Variants in PPIL6 observed in about 807,000 individuals in gnomAD.
PPIL6 encodes the protein probable inactive peptidyl-prolyl cis-trans isomerase-like 6.
A neutral mutation model predicts 36.8 loss-of-function variants in PPIL6; 39 were observed. The ratio of observed to expected loss-of-function variants is 1.06; its 90% confidence interval spans 0.82 to 1.38. The LOEUF is 1.38. Among genes scored for constraint, PPIL6 ranks in the 40% most tolerant of loss-of-function variants. The pLI is 0.00. For missense variants in PPIL6, 368 were observed against 379.1 expected, an observed-to-expected ratio of 0.97 and a Z score of 0.24; for synonymous variants, 123 against 134.1, an observed-to-expected ratio of 0.92 and a Z score of 0.57.
intron 5 of PPIL6, among the ~76,000 whole-genome samples, chr6:109,423,640 A>G (rs1773665189): frequency 6.6e-6 from 1 of 152,016 alleles, no homozygotes; most frequent in Admixed American, 6.6e-5. Flanking sequence ...ATATATATAT[A>G]TCTTTTAGTC....
chr6:109,393,150 C>T (rs770048659), intron 7 of PPIL6, among the ~76,000 whole-genome samples: 2 of 152,062 alleles, frequency 1.3e-5, no homozygotes, highest in Admixed American at 1.3e-4. Context: ...GGCCTCCTGC[C>T]GCAGCTCTAA....
At position 109,390,944 on chromosome 6, in the gene PPIL6, TAAA is replaced by T. The variant is rs1168598935; in HGVS notation, c.*1879_*1881del. ...GAAGCCTGCCTCTTTAAGACTGATG[TAAA>T]TAGAGATTGTTCTTGGAAGACAAAC... On this transcript the variant is annotated 3_prime_UTR_variant, in exon 8 of 8. Coordinates refer to ENST00000521072, the MANE Select transcript of PPIL6 (RefSeq NM_173672.5). The T allele has an allele frequency of 6.6e-6, 1 of 152,188 alleles. No homozygotes were observed. 9.4% of individuals were successfully genotyped at this position (152,188 alleles called of 1,614,324 possible). A position where few individuals can be genotyped will look rare whatever the true frequency, so the allele number is the denominator to read the frequency against.
intron 6 of PPIL6, among the ~76,000 whole-genome samples, chr6:109,403,278 AT>A (rs199779580): frequency 9.9e-5 from 15 of 152,184 alleles, no homozygotes; most frequent in African/African-American, 2.6e-4. Context: ...GCTAGCTCTA[AT>A]TTTTTTTAAA....
chr6:109,436,240 C>T, intron 1 of PPIL6, 41 bp from the exon 2 acceptor site: 1 of 1,198,558 alleles, frequency 8.3e-7, no homozygotes, highest in Non-Finnish European at 1.2e-6. Context: ...AGTTAGTTCT[C>T]TTTTAAAGTC....
chr6:109,402,982 A>G (rs1772623516), intron 6 of PPIL6: 2 of 1,225,032 alleles, frequency 1.6e-6, no homozygotes, highest in Non-Finnish European at 2.3e-6. Flanking sequence ...TTTACGTGTT[A>G]TTTTGTTCTG....
chr6:109,422,278 A>G (rs9386805), intron 5 of PPIL6, among the ~76,000 whole-genome samples: 5,100 of 152,236 alleles, frequency 0.034, 173 homozygotes, highest in East Asian at 0.17. Context: ...AGTGAGAGCC[A>G]TGATTGTGCC....
Position 109,427,075 on chromosome 6 carries a change from A to G in PPIL6, c.483+19T>C, listed in dbSNP as rs765845917. 1.2e-6 allele frequency: 2 copies of G among 1,602,416 alleles called. No individual in the cohort carries two copies. The highest frequency in any genetic ancestry group is 1.7e-5 in the Admixed American group (1 of 59,820). On this transcript the variant is annotated intron_variant, in intron 4 of 7. Coordinates refer to ENST00000521072, the MANE Select transcript of PPIL6 (RefSeq NM_173672.5). ...ATAGATCCTACCCCCACAAACTTAC[A>G]TATAAAAAAAAGTATCACCTCAAAA...
At chr6:109,405,921 T>G (rs532618098) in intron 6 of PPIL6, among the ~76,000 whole-genome samples, 34 of 152,246 alleles carry the variant, frequency 2.2e-4, no homozygotes, top group African/African-American at 7.5e-4. Context: ...TATTGCTGGG[T>G]TTTTTGGGCT....
chr6:109,407,125 C>T (rs1772827995), intron 6 of PPIL6, among the ~76,000 whole-genome samples: 1 of 152,184 alleles, frequency 6.6e-6, no homozygotes, highest in Non-Finnish European at 1.5e-5. Context: ...TCTAGGACTA[C>T]ACATTGCTAC....
intron 3 of PPIL6, among the ~76,000 whole-genome samples, chr6:109,429,768 A>G (rs575603822): frequency 9.2e-5 from 14 of 152,338 alleles, no homozygotes; most frequent in Non-Finnish European, 1.9e-4. Context: ...TCCTGCTGCC[A>G]GGCCTCATTG....
intron 7 of PPIL6, among the ~76,000 whole-genome samples, chr6:109,399,018 C>G (rs1192239960): frequency 3.3e-5 from 5 of 152,082 alleles, no homozygotes; most frequent in Non-Finnish European, 7.4e-5. Flanking sequence ...TCATGGCTCC[C>G]AGGCTCAAGC....
At chr6:109,440,156 G>A (rs1227460698) in intron 1 of PPIL6, 6 of 473,414 alleles carry the variant, frequency 1.3e-5, no homozygotes, top group Non-Finnish European at 2.4e-5. Flanking sequence ...GCGGGTGTGT[G>A]TGTGTGTGTC....
At chr6:109,405,476 G>T (rs867125175) in intron 6 of PPIL6, among the ~76,000 whole-genome samples, 2 of 152,060 alleles carry the variant, frequency 1.3e-5, no homozygotes, top group Non-Finnish European at 2.9e-5. Context: ...ATTTCTCCCA[G>T]TCTGGAGTCT....
chr6:109,407,599 A>T (rs1355109886), intron 6 of PPIL6, among the ~76,000 whole-genome samples: 1 of 152,136 alleles, frequency 6.6e-6, no homozygotes. Context: ...CCACATTGAG[A>T]ATCCTGATTC....
At chr6:109,399,433 T>C (rs1772436747) in intron 7 of PPIL6, among the ~76,000 whole-genome samples, 1 of 150,554 alleles carries the variant, frequency 6.6e-6, no homozygotes, top group South Asian at 2.1e-4. Flanking sequence ...TGAGACAGAG[T>C]CTTGCTGTGT....
At chr6:109,417,374 C>T (rs550484154) in intron 6 of PPIL6, among the ~76,000 whole-genome samples, 1 of 120,578 alleles carries the variant, frequency 8.3e-6, no homozygotes, top group East Asian at 2.4e-4. Flanking sequence ...ACAGTGAGAC[C>T]CTGTCTCTAT....
intron 6 of PPIL6, chr6:109,402,932 A>T: frequency 1.3e-6 from 1 of 742,380 alleles, no homozygotes; most frequent in Non-Finnish European, 2.1e-6. Flanking sequence ...ATTAACTCTA[A>T]CTAGCTTTGC....
intron 6 of PPIL6, among the ~76,000 whole-genome samples, chr6:109,403,525 T>C (rs1166754340): frequency 2.6e-5 from 4 of 152,280 alleles, no homozygotes; most frequent in African/African-American, 9.6e-5. Flanking sequence ...AGGCCACTGG[T>C]CAGTAAATAG....
chr6:109,421,047 C>T (rs1467007715), intron 5 of PPIL6, among the ~76,000 whole-genome samples: 1 of 152,184 alleles, frequency 6.6e-6, no homozygotes, highest in Non-Finnish European at 1.5e-5. Context: ...TCAATCCCTT[C>T]AGATCCTAGG....
Sources: gnomAD v4.1 joint callset for allele counts (sites outside exome capture counted in the v4.1 genomes callset) on GRCh38, gnomAD v4.1.1 for gene constraint, MANE v1.5 for transcripts, NCBI Gene and HGNC (gene_info 2026-07-23, HGNC 2026-07-21) for gene names.